TMEM132B: variants seen among roughly 807,000 people sequenced by gnomAD.
TMEM132B encodes the protein transmembrane protein 132B.
In TMEM132B, 18 loss-of-function variants were observed where a neutral mutation model predicts 90.8. The ratio of observed to expected loss-of-function variants is 0.20; its 90% CI spans 0.14 to 0.29. TMEM132B has a LOEUF of 0.29. TMEM132B is among the 10% of genes least tolerant of loss of function. The pLI, the probability that TMEM132B is intolerant of heterozygous loss-of-function variation, is 1.00. For synonymous variants in TMEM132B, 504 were observed against 523.3 expected (o/e 0.96, Z 0.50); for missense variants, 1,096 against 1,326.8 (o/e 0.83, Z 2.70).
chr12:125,260,907 C>A (rs1402271752), intron 1 of TMEM132B, among the ~76,000 whole-genome samples: 1 of 141,426 alleles, frequency 7.1e-6, no homozygotes, highest in Non-Finnish European at 1.5e-5. Flanking sequence ...CAGAGCGAGA[C>A]CCTGTCTCTA....
chr12:125,388,190 G>A (rs1459234608), intron 2 of TMEM132B, among the ~76,000 whole-genome samples: 5 of 152,280 alleles, frequency 3.3e-5, no homozygotes, highest in African/African-American at 7.2e-5. Context: ...CACTTTAGGA[G>A]GCCAAGGTGA....
intron 1 of TMEM132B, among the ~76,000 whole-genome samples, chr12:125,259,874 G>A (rs556987177): frequency 1.3e-5 from 2 of 152,050 alleles, no homozygotes; most frequent in South Asian, 2.1e-4. Flanking sequence ...TGCCGCCCTC[G>A]TGGCTTTGGG....
At chr12:125,530,624 T>C (rs1883619840) in intron 4 of TMEM132B, among the ~76,000 whole-genome samples, 1 of 152,258 alleles carries the variant, frequency 6.6e-6, no homozygotes, top group Non-Finnish European at 1.5e-5. Flanking sequence ...GTGCTCCCTC[T>C]GACGCCTCCA....
intron 3 of TMEM132B, among the ~76,000 whole-genome samples, chr12:125,417,162 T>C (rs1414727765): frequency 6.6e-6 from 1 of 152,040 alleles, no homozygotes; most frequent in Non-Finnish European, 1.5e-5. Context: ...ACAAGATGTC[T>C]GCAGCTCTTC....
intron 3 of TMEM132B, among the ~76,000 whole-genome samples, chr12:125,518,000 G>A (rs1434453225): frequency 6.6e-6 from 1 of 152,116 alleles, no homozygotes; most frequent in East Asian, 1.9e-4. Flanking sequence ...GTGGCTGGTG[G>A]CCACAATATT....
chr12:125,254,923 A>C lies in TMEM132B; in HGVS notation c.67+68057A>C, dbSNP rs573299754. On this transcript the variant is annotated intron_variant, in intron 1 of 8. Transcript: ENST00000682704. ...TGATCTCAAACTCCTGATCTCAGGCAATCCACCCGCCTCAGCCTCCCAAAT... is the reference window on the plus strand; with the variant it reads ...TGATCTCAAACTCCTGATCTCAGGCCATCCACCCGCCTCAGCCTCCCAAAT... 3.3e-5 allele frequency among the ~76,000 whole-genome samples: 5 copies of C among 151,890 alleles called. No homozygotes were observed. In the South Asian group the frequency reaches 1.0e-3, roughly 32 times the overall value.
chr12:125,394,912 G>A (rs1360935888), intron 2 of TMEM132B, among the ~76,000 whole-genome samples: 4 of 152,264 alleles, frequency 2.6e-5, no homozygotes, highest in Admixed American at 2.0e-4. Flanking sequence ...AGGGGGATGA[G>A]GGTTGAAAAA....
At chr12:125,318,532 C>T (rs1255884507) in intron 1 of TMEM132B, among the ~76,000 whole-genome samples, 2 of 152,010 alleles carry the variant, frequency 1.3e-5, no homozygotes, top group African/African-American at 2.4e-5. Flanking sequence ...CCCACCCTGA[C>T]AGGCCCCAGT....
In TMEM132B at chr12:125,657,041, G is replaced by A. The variant is rs1165181942; in HGVS notation, c.*2331G>A. ...GTGTTATTCAGGAACATAAAAATTA[G>A]AGCATTCCCTCTGATGGCAGTGCTT... On this transcript the variant is annotated 3_prime_UTR_variant, in exon 9 of 9. Transcript: ENST00000682704. The A allele has an allele frequency of 6.6e-6, 1 of 152,186 alleles. No homozygotes were observed. Among genetic ancestry groups the A allele is most frequent in the African/African-American group, 2.4e-5 (1 of 41,432 alleles). 9.4% of individuals were successfully genotyped at this position (152,186 alleles called of 1,614,324 possible).
chr12:125,295,598 CT>C (rs1033292499), intron 1 of TMEM132B, among the ~76,000 whole-genome samples: 1 of 151,842 alleles, frequency 6.6e-6, no homozygotes, highest in African/African-American at 2.4e-5. Context: ...GGGCAGGCTG[CT>C]TTGTTGTGAT....
chr12:125,255,299 C>T (rs1874412160), intron 1 of TMEM132B, among the ~76,000 whole-genome samples: 1 of 151,948 alleles, frequency 6.6e-6, no homozygotes, highest in Non-Finnish European at 1.5e-5. Flanking sequence ...CTCTCTCTCT[C>T]TCACCCCCCC....
intron 2 of TMEM132B, among the ~76,000 whole-genome samples, chr12:125,386,863 C>T (rs1452626823): frequency 1.3e-5 from 2 of 152,178 alleles, no homozygotes; most frequent in African/African-American, 4.8e-5. Context: ...GATGATCTGG[C>T]TAATGTTGCA....
At chr12:125,379,859 C>T (rs907863349) in intron 2 of TMEM132B, among the ~76,000 whole-genome samples, 1 of 152,154 alleles carries the variant, frequency 6.6e-6, no homozygotes, top group East Asian at 1.9e-4. Flanking sequence ...GCTGCCACTA[C>T]AGGTAGAGGT....
At chr12:125,381,837 T>G (rs1417815215) in intron 2 of TMEM132B, among the ~76,000 whole-genome samples, 1 of 152,208 alleles carries the variant, frequency 6.6e-6, no homozygotes, top group Non-Finnish European at 1.5e-5. Flanking sequence ...CATAGGTTAC[T>G]GGGGAAGATA....
intron 2 of TMEM132B, among the ~76,000 whole-genome samples, chr12:125,362,045 A>G (rs1391995132): frequency 4.6e-5 from 7 of 152,162 alleles, no homozygotes; most frequent in African/African-American, 1.7e-4. Flanking sequence ...GGCTGGAATG[A>G]TTGTTTTTAA....
rs776750224 is a variant in TMEM132B, at chr12:125,522,678, G to A, written c.1293+3053G>A. Among the ~76,000 whole-genome samples the A allele has an allele frequency of 1.3e-3, 199 of 152,216 alleles. 5 individuals carry two copies. Among genetic ancestry groups the A allele is most frequent in the Non-Finnish European group, 3.7e-4 (25 of 68,034 alleles). ...TGGACCTTGGGGAAAGCTGCCAGCT[G>A]TGAGGTGCTGCTGGCCACCATGAAC... is the stretch of plus-strand genomic sequence containing the variant. On this transcript the variant is annotated intron_variant, in intron 4 of 8. Transcript: ENST00000682704.
intron 5 of TMEM132B, among the ~76,000 whole-genome samples, chr12:125,633,768 A>G (rs915501579): frequency 1.3e-5 from 2 of 152,138 alleles, no homozygotes; most frequent in African/African-American, 4.8e-5. Flanking sequence ...CTTTCTTCCA[A>G]ACAAATGGAG....
chr12:125,389,385 C>T (rs1227855661), intron 2 of TMEM132B, among the ~76,000 whole-genome samples: 1 of 127,480 alleles, frequency 7.8e-6, no homozygotes, highest in Non-Finnish European at 1.6e-5. Flanking sequence ...TTCATCCTTT[C>T]CTTTGCTTTT....
intron 2 of TMEM132B, among the ~76,000 whole-genome samples, chr12:125,414,263 A>T (rs966152484): frequency 2.0e-5 from 3 of 152,194 alleles, no homozygotes; most frequent in African/African-American, 7.2e-5. Flanking sequence ...GACAATTTGC[A>T]TATATTTTCT....
Sources: allele counts gnomAD v4.1 joint callset (sites outside exome capture counted in the v4.1 genomes callset), GRCh38; gene constraint gnomAD v4.1.1; transcripts MANE v1.5; gene names NCBI Gene and HGNC (gene_info 2026-07-23, HGNC 2026-07-21).